AKAP6: variants seen among roughly 807,000 people sequenced by gnomAD.
AKAP6 encodes A-kinase anchoring protein 6.
A neutral mutation model predicts 188.5 loss-of-function variants in AKAP6; 58 were observed. The ratio of observed to expected loss-of-function variants is 0.31; its 90% CI spans 0.25 to 0.38. The LOEUF is 0.38. AKAP6 is among the 10% of genes least tolerant of loss of function. The pLI is 1.00. For missense variants in AKAP6, 2,710 were observed against 2,740.0 expected, an observed-to-expected ratio of 0.99 and a Z score of 0.24; for synonymous variants, 989 against 998.6, an observed-to-expected ratio of 0.99 and a Z score of 0.18.
At chr14:32,680,940 G>T (rs1157548758) in intron 8 of AKAP6, among the ~76,000 whole-genome samples, 1 of 152,182 alleles carries the variant, frequency 6.6e-6, no homozygotes, top group African/African-American at 2.4e-5. Context: ...TTGTTCACCT[G>T]TGGGGAACAG....
At chr14:32,375,004 A>G (rs1187438792) in intron 1 of AKAP6, among the ~76,000 whole-genome samples, 2 of 152,254 alleles carry the variant, frequency 1.3e-5, no homozygotes, top group East Asian at 3.8e-4. Context: ...TGGAGGATCA[A>G]CTGGAAGAGT....
At chr14:32,750,445 A>G (rs1336700727) in intron 11 of AKAP6, among the ~76,000 whole-genome samples, 2 of 152,100 alleles carry the variant, frequency 1.3e-5, no homozygotes, top group Non-Finnish European at 2.9e-5. Context: ...ATTCAGGTCT[A>G]GCTTGGAGGC....
chr14:32,333,820 G>A (rs1886605462), intron 1 of AKAP6, among the ~76,000 whole-genome samples: 2 of 152,064 alleles, frequency 1.3e-5, no homozygotes, highest in African/African-American at 4.8e-5. Context: ...AATGTGTGTG[G>A]CAGATCAGTT....
At chr14:32,748,220 G>C (rs776751513) in intron 11 of AKAP6, among the ~76,000 whole-genome samples, 1 of 152,248 alleles carries the variant, frequency 6.6e-6, no homozygotes, top group Non-Finnish European at 1.5e-5. Flanking sequence ...GATGGGAACA[G>C]TGAATCTGAT....
intron 1 of AKAP6, among the ~76,000 whole-genome samples, chr14:32,416,186 T>C (rs1889650789): frequency 6.6e-6 from 1 of 152,180 alleles, no homozygotes. Context: ...TTCCAATTTC[T>C]CCACATTCTT....
At chr14:32,737,282 T>C (rs1024137716) in intron 11 of AKAP6, among the ~76,000 whole-genome samples, 2 of 152,150 alleles carry the variant, frequency 1.3e-5, no homozygotes, top group African/African-American at 2.4e-5. Flanking sequence ...ATTTTATTCA[T>C]GACTGTTGGA....
intron 1 of AKAP6, among the ~76,000 whole-genome samples, chr14:32,391,261 A>G (rs1347836764): frequency 6.6e-6 from 1 of 152,174 alleles, no homozygotes; most frequent in East Asian, 1.9e-4. Flanking sequence ...GGAAGTTGCA[A>G]AATTCCTTGG....
chr14:32,366,201 C>A (rs1887829033), intron 1 of AKAP6, among the ~76,000 whole-genome samples: 1 of 152,200 alleles, frequency 6.6e-6, no homozygotes, highest in South Asian at 2.1e-4. Flanking sequence ...AGGCACCATG[C>A]CATAATTCCC....
At chr14:32,496,910 A>G (rs1339428795) in intron 2 of AKAP6, among the ~76,000 whole-genome samples, 1 of 152,168 alleles carries the variant, frequency 6.6e-6, no homozygotes, top group Non-Finnish European at 1.5e-5. Flanking sequence ...GATCATCCAG[A>G]GTTACTTCCT....
chr14:32,757,668 G>A (rs561830809), intron 11 of AKAP6, among the ~76,000 whole-genome samples: 3 of 152,306 alleles, frequency 2.0e-5, no homozygotes, highest in South Asian at 2.1e-4. Flanking sequence ...TGCTGGGCAT[G>A]GTGGATACTG....
At position 32,593,152 on chromosome 14, in the gene AKAP6, A is replaced by G. The variant is rs140041710; in HGVS notation, c.2470-6258A>G. ...AGACACTACCTGCACCTTCATAGAC[A>G]TGCAACAAATAAGAAATAAGTCTAG... On this transcript the variant is annotated intron_variant, in intron 5 of 13. Coordinates refer to ENST00000280979, the MANE Select transcript of AKAP6 (RefSeq NM_004274.5). Among the ~76,000 whole-genome samples, 14 of 152,270 alleles carry G rather than the reference A, an allele frequency of 9.2e-5. No homozygotes were observed. In the East Asian group the frequency reaches 2.7e-3, roughly 29 times the overall value.
At chr14:32,444,955 C>CTATGT (rs1890711589) in intron 2 of AKAP6, among the ~76,000 whole-genome samples, 1 of 152,126 alleles carries the variant, frequency 6.6e-6, no homozygotes, top group South Asian at 2.1e-4. Flanking sequence ...CGAGTAATAC[C>CTATGT]ACATAGGAGA....
chr14:32,437,433 CT>C (rs1890418064), intron 2 of AKAP6, among the ~76,000 whole-genome samples: 1 of 152,172 alleles, frequency 6.6e-6, no homozygotes, highest in South Asian at 2.1e-4. Flanking sequence ...CAATACATAA[CT>C]TTTTAAAAAA....
intron 1 of AKAP6, among the ~76,000 whole-genome samples, chr14:32,413,026 A>G (rs1289340494): frequency 6.6e-6 from 1 of 152,152 alleles, no homozygotes; most frequent in East Asian, 1.9e-4. Context: ...TCTAGAGGCT[A>G]TCCAGAGGTC....
intron 12 of AKAP6, among the ~76,000 whole-genome samples, chr14:32,795,284 G>A (rs897530314): frequency 2.4e-4 from 36 of 152,066 alleles, no homozygotes; most frequent in African/African-American, 7.2e-4. Flanking sequence ...AACTCATTCC[G>A]TGAGGTCAGC....
chr14:32,570,146 T>TC (rs1339367688), intron 4 of AKAP6, among the ~76,000 whole-genome samples: 1 of 146,102 alleles, frequency 6.8e-6, no homozygotes, highest in Admixed American at 6.9e-5. Context: ...TTTTTTTTTT[T>TC]TTTGAGACAG....
rs543404147 is a variant in AKAP6 at position 32,834,805 on chromosome 14, A to G, written c.*5000A>G. The stretch of plus-strand genomic sequence containing the variant: ...ACATTCCTGATATGTTTTAAAGTTC[A>G]CAGCTTACTCTTTCAGCCCATGCTT... On this transcript the variant is annotated 3_prime_UTR_variant, in exon 14 of 14. Coordinates refer to ENST00000280979, the MANE Select transcript of AKAP6 (RefSeq NM_004274.5). 6 of 152,320 alleles carry G rather than the reference A, an allele frequency of 3.9e-5. No homozygotes were observed. The highest frequency in any genetic ancestry group is 1.4e-4 in the African/African-American group (6 of 41,554). The allele number at this position is 152,320 out of a possible 1,614,324, so 9.4% of individuals were successfully genotyped here.
chr14:32,799,490 G>A (rs988376841), intron 12 of AKAP6, among the ~76,000 whole-genome samples: 52 of 151,858 alleles, frequency 3.4e-4, no homozygotes, highest in South Asian at 4.2e-4. Context: ...GTTGCATCCC[G>A]TCAATCTTGA....
intron 5 of AKAP6, among the ~76,000 whole-genome samples, chr14:32,591,130 G>A (rs1885467839): frequency 6.6e-6 from 1 of 152,184 alleles, no homozygotes; most frequent in Non-Finnish European, 1.5e-5. Flanking sequence ...ATCCACATCT[G>A]TAGGGGCTGC....
Sources: gnomAD v4.1 joint callset for allele counts (sites outside exome capture counted in the v4.1 genomes callset) on GRCh38, gnomAD v4.1.1 for gene constraint, MANE v1.5 for transcripts, NCBI Gene and HGNC (gene_info 2026-07-23, HGNC 2026-07-21) for gene names.